Variants in CNKSR2 observed in about 807,000 individuals in gnomAD.
CNKSR2 encodes the protein CNK homolog protein 2.
CNKSR2 carries 14 observed loss-of-function variants against 84.4 expected under a neutral mutation model. That is an observed-to-expected ratio of 0.17 (90% CI 0.11 to 0.26). CNKSR2 has a LOEUF of 0.26. Among genes scored for constraint, CNKSR2 ranks in the 10% least tolerant of loss-of-function variants. The pLI is 1.00. For missense variants in CNKSR2, 485 were observed against 771.2 expected (o/e 0.63, Z 4.40); for synonymous variants, 275 against 277.9 (o/e 0.99, Z 0.10).
At chrX:21,525,295 AAGAC>A (rs1256072478) in intron 9 of CNKSR2, among the ~76,000 whole-genome samples, 1 of 111,393 alleles carries the variant, frequency 9.0e-6, no homozygotes, top group Non-Finnish European at 1.9e-5. Flanking sequence ...TTGTTTCTAA[AAGAC>A]AGGAATAGTT....
chrX:21,540,263 G>C (rs370829395), intron 11 of CNKSR2, among the ~76,000 whole-genome samples: 41 of 111,440 alleles, frequency 3.7e-4, no homozygotes, highest in African/African-American at 1.3e-3. Flanking sequence ...ATTTCATCCA[G>C]GGTTTTTAAA....
At chrX:21,484,143 T>G (rs899317763) in intron 5 of CNKSR2, among the ~76,000 whole-genome samples, 2 of 110,338 alleles carry the variant, frequency 1.8e-5, no homozygotes, top group Non-Finnish European at 3.8e-5. Context: ...TACAAAAAAT[T>G]AGCTGGGCGT....
chrX:21,470,878 A>G, intron 5 of CNKSR2, 71 bp downstream of exon 5: 3 of 562,994 alleles, frequency 5.3e-6, no homozygotes, highest in East Asian at 3.7e-5. Flanking sequence ...GAGGTGAACC[A>G]TAAGAAAAAA....
intron 9 of CNKSR2, among the ~76,000 whole-genome samples, chrX:21,522,491 A>G (rs2091794087): frequency 1.8e-5 from 2 of 111,238 alleles, no homozygotes; most frequent in Non-Finnish European, 3.8e-5. Context: ...AAAGAGGGAC[A>G]ACTAAATTAA....
In CNKSR2 at chrX:21,651,171, G is replaced by A. The variant is rs184335174; in HGVS notation, c.2890-1135G>A. ...AATGTTCAGTTCACTAAGTATTGAT[G>A]AATCACCAGGTACATGAATGCTCCA... On this transcript the variant is annotated intron_variant, in intron 21 of 21. Transcript: ENST00000379510. Among the ~76,000 whole-genome samples the A allele has an allele frequency of 1.2e-4, 13 of 111,865 alleles. No homozygotes were observed. In the Middle Eastern group the frequency reaches 0.014, roughly 118 times the overall value.
Position 21,374,721 on chromosome X carries a change from C to T in CNKSR2, c.-177C>T, listed in dbSNP as rs2089780211. On this transcript the variant is annotated 5_prime_UTR_variant, in exon 1 of 22. Transcript: ENST00000379510. ...TTTACCTCCCTGTCGCCGTTCCTGC[C>T]GGCGGTTGGCTAAAAGACGTTACAG... The T allele has an allele frequency of 2.0e-6, 1 of 508,683 alleles. No homozygotes were observed. 41.9% of individuals were successfully genotyped at this position (508,683 alleles called of 1,213,427 possible). A position where few individuals can be genotyped will look rare whatever the true frequency, so the allele number is the denominator to read the frequency against.
At chrX:21,595,077 C>T (rs779832308) in intron 16 of CNKSR2, 30 bp downstream of exon 16, 2 of 1,055,094 alleles carry the variant, frequency 1.9e-6, no homozygotes, top group South Asian at 2.0e-5. Context: ...GAAGAGGGAA[C>T]GATAGTTTTT....
At chrX:21,456,067 A>T (rs1304474496) in intron 4 of CNKSR2, among the ~76,000 whole-genome samples, 1 of 111,440 alleles carries the variant, frequency 9.0e-6, no homozygotes, top group African/African-American at 3.3e-5. Flanking sequence ...TTCCAGCTCT[A>T]TTGAGGTGTG....
At chrX:21,526,678 T>C (rs780816555) in intron 9 of CNKSR2, among the ~76,000 whole-genome samples, 189 bp from the exon 10 acceptor site, 10 of 111,288 alleles carry the variant, frequency 9.0e-5, no homozygotes, top group African/African-American at 3.2e-4. Flanking sequence ...ATACTGTTTG[T>C]TTTTGGAGAT....
At chrX:21,631,500 G>A (rs939244149) in intron 20 of CNKSR2, among the ~76,000 whole-genome samples, 2 of 111,481 alleles carry the variant, frequency 1.8e-5, no homozygotes, top group African/African-American at 3.3e-5. Context: ...TCATTTGGTG[G>A]AGATATAAAG....
intron 13 of CNKSR2, among the ~76,000 whole-genome samples, chrX:21,573,420 T>C (rs2092297583): frequency 8.9e-6 from 1 of 112,396 alleles, no homozygotes; most frequent in Admixed American, 9.4e-5. Flanking sequence ...TGAACCCACA[T>C]TTCCCTTCTG....
intron 7 of CNKSR2, among the ~76,000 whole-genome samples, chrX:21,500,590 T>C (rs1721019579): frequency 9.0e-6 from 1 of 111,095 alleles, no homozygotes; most frequent in Non-Finnish European, 1.9e-5. Context: ...ATATAATCAA[T>C]AAGTAGCTAA....
At chrX:21,534,213 A>T (rs2091908552) in intron 11 of CNKSR2, among the ~76,000 whole-genome samples, 1 of 110,510 alleles carries the variant, frequency 9.0e-6, no homozygotes, top group Non-Finnish European at 1.9e-5. Flanking sequence ...GATGTATTTT[A>T]CTTAACATAA....
At chrX:21,566,602 C>T (rs1364551009) in intron 13 of CNKSR2, among the ~76,000 whole-genome samples, 1 of 111,586 alleles carries the variant, frequency 9.0e-6, no homozygotes, top group Non-Finnish European at 1.9e-5. Flanking sequence ...TCATAGGCTT[C>T]TATCTCTGCC....
In CNKSR2 at chrX:21,415,791, TATG is replaced by T. The variant is rs1247165925; in HGVS notation, c.65-10703_65-10701del. On this transcript the variant is annotated intron_variant, in intron 1 of 21. Transcript: ENST00000379510. Reference sequence around the variant, plus strand: ...CCTAGAACTTAAAGTATTATATATATATGATATGTATATACATATATACAATAC... The same window carrying T: ...CCTAGAACTTAAAGTATTATATATATATATGTATATACATATATACAATAC... 3.1e-3 allele frequency among the ~76,000 whole-genome samples: 327 copies of T among 105,876 alleles called. 2 individuals carry two copies. The highest frequency in any genetic ancestry group is 0.01 in the African/African-American group (305 of 29,053). 91.9% of individuals were successfully genotyped at this position (105,876 alleles called of 115,157 possible).
intron 5 of CNKSR2, 38 bp downstream of exon 5, chrX:21,470,845 G>A (rs1361544163): frequency 1.3e-6 from 1 of 795,698 alleles, no homozygotes; most frequent in Non-Finnish European, 1.8e-6. Flanking sequence ...TTTATTAGAG[G>A]ATATTTCCTT....
intron 1 of CNKSR2, among the ~76,000 whole-genome samples, chrX:21,380,604 C>T (rs1398341270): frequency 4.6e-5 from 5 of 109,507 alleles, no homozygotes; most frequent in Non-Finnish European, 7.6e-5. Flanking sequence ...CCACCACCAC[C>T]CCTGGCTAAT....
intron 7 of CNKSR2, among the ~76,000 whole-genome samples, chrX:21,498,949 T>C (rs2091530644): frequency 8.9e-6 from 1 of 111,887 alleles, no homozygotes; most frequent in Non-Finnish European, 1.9e-5. Flanking sequence ...TTTTTAAAAA[T>C]CAACATTCTT....
At chrX:21,441,193 C>T (rs978310283) in intron 4 of CNKSR2, 1 of 111,870 alleles carries the variant, frequency 8.9e-6, no homozygotes, top group African/African-American at 3.3e-5. Context: ...TTGACTGGAA[C>T]ATATCCCATA....
Sources: gnomAD v4.1 joint callset for allele counts (sites outside exome capture counted in the v4.1 genomes callset) on GRCh38, gnomAD v4.1.1 for gene constraint, MANE v1.5 for transcripts, NCBI Gene and HGNC (gene_info 2026-07-23, HGNC 2026-07-21) for gene names.